Variants in LAMA1 observed in about 807,000 individuals in gnomAD.
LAMA1 encodes the protein laminin subunit alpha-1.
Under a neutral mutation model 348.7 loss-of-function variants are expected in LAMA1, and 219 were observed. That is an observed-to-expected ratio of 0.63 (90% CI 0.56 to 0.70). The LOEUF is 0.70. Ranked by LOEUF, LAMA1 falls within the 30% of genes least tolerant of loss-of-function variation. The pLI, the probability that LAMA1 is intolerant of heterozygous loss-of-function variation, is 0.00. For synonymous variants in LAMA1, 1,487 were observed against 1,491.0 expected (o/e 1.00, Z 0.06); for missense variants, 3,744 against 3,888.0 (o/e 0.96, Z 0.99).
chr18:7,080,625 T>C (rs1046733097), intron 1 of LAMA1, among the ~76,000 whole-genome samples, 168 bp from the exon 2 acceptor site: 10 of 152,208 alleles, frequency 6.6e-5, no homozygotes, highest in Admixed American at 6.5e-4. Flanking sequence ...CTATATGAAA[T>C]TCTGGGAGAA....
In LAMA1 at chr18:7,012,135, T is replaced by A; in HGVS notation, c.3367A>T (p.Asn1123Tyr). 6.2e-7 allele frequency: 1 copy of A among 1,613,840 alleles called. No homozygotes were observed. Among genetic ancestry groups the A allele is most frequent in the South Asian group, 1.1e-5 (1 of 91,008 alleles). Residue 1123 changes from asparagine (N) to tyrosine (Y), a missense_variant, in exon 24 of 63, where the codon AAT (asparagine) becomes TAT (tyrosine). By Grantham distance (143) the Asn-to-Tyr change is moderately radical. This residue lies in a region of LAMA1 where 1,529 missense variants were observed against 1,689.4 expected (regional missense o/e 0.91). Transcript: ENST00000389658. ...EETGACPCKE[N>Y]VFGPQCNECR... ...TCGTTGCACTGAGGACCAAAGACAT[T>A]TTCCTACAGGGGAGCAAATAAAGGA...
intron 1 of LAMA1, among the ~76,000 whole-genome samples, chr18:7,081,124 C>T (rs1202961583): frequency 3.3e-5 from 5 of 151,648 alleles, no homozygotes; most frequent in African/African-American, 9.7e-5. Flanking sequence ...CCACTGCACT[C>T]CAGCCTGGAC....
At chr18:7,055,852 C>T (rs920893774) in intron 3 of LAMA1, among the ~76,000 whole-genome samples, 21 of 152,060 alleles carry the variant, frequency 1.4e-4, no homozygotes, top group African/African-American at 4.6e-4. Context: ...GAGGCCGAGG[C>T]GGGCGGATCA....
At chr18:6,969,336 G>A (rs2057647952) in intron 48 of LAMA1, among the ~76,000 whole-genome samples, 1 of 152,108 alleles carries the variant, frequency 6.6e-6, no homozygotes, top group South Asian at 2.1e-4. Flanking sequence ...TCACCCAGAG[G>A]TACCTTTTCA....
intron 56 of LAMA1, chr18:6,955,709 TC>T (rs1284584272): frequency 3.3e-6 from 2 of 608,902 alleles, no homozygotes; most frequent in African/African-American, 3.6e-5. Flanking sequence ...TCACTGAAAT[TC>T]ATAAGGACAC....
In LAMA1 at chr18:6,999,594, CT is replaced by C; in HGVS notation, c.4513del (p.Ser1505ValfsTer44). ...YYGNPQTPGG[S>X]CQKCDCNPHG... ...CGGGTTGCAGTCACACTTCTGGCAA[CT>C]GCCACCTGGTGTTTGAGGGTTCCCA... On this transcript the variant is annotated frameshift_variant, in exon 32 of 63. Coordinates refer to ENST00000389658, the MANE Select transcript of LAMA1 (RefSeq NM_005559.4). LOFTEE classifies it high-confidence loss of function. The C allele has an allele frequency of 6.2e-7, 1 of 1,613,854 alleles. No homozygotes were observed. The highest frequency in any genetic ancestry group is 1.1e-5 in the South Asian group (1 of 91,008).
chr18:7,008,685 C>T, intron 27 of LAMA1, 77 bp from the exon 28 acceptor site: 1 of 1,529,158 alleles, frequency 6.5e-7, no homozygotes, highest in Admixed American at 1.7e-5. Flanking sequence ...TGACCTAACA[C>T]TTGCATATAT....
intron 57 of LAMA1, 60 bp from the exon 58 acceptor site, chr18:6,951,031 C>A: frequency 6.9e-7 from 1 of 1,458,004 alleles, no homozygotes; most frequent in South Asian, 1.2e-5. Flanking sequence ...TTTTTAAAAC[C>A]TCAAAAGAGG....
chr18:7,018,599 G>C (rs113185705), intron 19 of LAMA1, among the ~76,000 whole-genome samples: 16 of 151,988 alleles, frequency 1.1e-4, no homozygotes, highest in African/African-American at 3.9e-4. Context: ...GTTTCACCGT[G>C]TTAGCCAGGA....
At chr18:7,001,777 A>G (rs1212204036) in intron 30 of LAMA1, among the ~76,000 whole-genome samples, 1 of 152,200 alleles carries the variant, frequency 6.6e-6, no homozygotes, top group Non-Finnish European at 1.5e-5. Context: ...GCATTCAGGT[A>G]ATTCTGTACA....
chr18:7,083,955 T>C (rs2143789218), intron 1 of LAMA1, among the ~76,000 whole-genome samples: 1 of 151,050 alleles, frequency 6.6e-6, no homozygotes, highest in South Asian at 2.1e-4. Context: ...ATGCCTGTAA[T>C]CCAGCTACTC....
chr18:6,964,667 A>G lies in LAMA1; in HGVS notation c.7332T>C (p.Val2444=), dbSNP rs1217619740. 4 of 1,614,030 alleles carry G rather than the reference A, an allele frequency of 2.5e-6. No homozygotes were observed. The African/African-American group carries it at 5.3e-5, about 22-fold the overall frequency. Residue 2444 remains valine (V), a synonymous_variant, in exon 51 of 63, where the codon GTT becomes GTC. Coordinates refer to ENST00000389658, the MANE Select transcript of LAMA1 (RefSeq NM_005559.4). ...AATTCTGCAGTTTAATATACCTTAC[A>G]ACTCTTGACCTTGGTAATCCACCCA... ...IYVGGLPRSR[V]VRRGVTTKSF...
chr18:6,975,153 TA>T, intron 45 of LAMA1, 117 bp from the exon 46 acceptor site: 1 of 1,247,374 alleles, frequency 8.0e-7, no homozygotes, highest in Non-Finnish European at 1.1e-6. Flanking sequence ...AATAAATACA[TA>T]AAAAGCAAAC....
chr18:7,012,349 C>G (rs2057864588), intron 23 of LAMA1, among the ~76,000 whole-genome samples: 1 of 151,934 alleles, frequency 6.6e-6, no homozygotes. Context: ...TTAACAGAAT[C>G]ATCTTGGAAG....
intron 57 of LAMA1, 87 bp from the exon 58 acceptor site, chr18:6,951,058 A>G: frequency 8.2e-7 from 1 of 1,213,112 alleles, no homozygotes; most frequent in East Asian, 2.5e-5. Context: ...CAATTGTTTC[A>G]GCGTTTACAT....
At chr18:7,105,477 T>TAAATAAAC (rs1396854657) in intron 1 of LAMA1, among the ~76,000 whole-genome samples, 5 of 139,940 alleles carry the variant, frequency 3.6e-5, no homozygotes, top group East Asian at 2.0e-4. Flanking sequence ...AATAAATAAA[T>TAAATAAAC]AAACAAACAA....
intron 3 of LAMA1, among the ~76,000 whole-genome samples, chr18:7,078,006 G>A (rs1300916479): frequency 6.9e-6 from 1 of 145,030 alleles, no homozygotes; most frequent in Non-Finnish European, 1.5e-5. Context: ...AGAGGTTGCA[G>A]TGAGCCAAGA....
chr18:7,003,652 C>T (rs2057818793), intron 29 of LAMA1, among the ~76,000 whole-genome samples: 1 of 152,288 alleles, frequency 6.6e-6, no homozygotes, highest in East Asian at 1.9e-4. Context: ...TCTCTATTTA[C>T]TCAGCCACTG....
chr18:6,983,341 T>TAAGGGGAAAGAAGA, intron 39 of LAMA1, 107 bp from the exon 40 acceptor site: 1 of 1,135,082 alleles, frequency 8.8e-7, no homozygotes, highest in Non-Finnish European at 1.3e-6. Flanking sequence ...TCCTATCTTC[T>TAAGGGGAAAGAAGA]TTCCCCTTAG....
Sources: gnomAD v4.1 joint callset for allele counts (sites outside exome capture counted in the v4.1 genomes callset) on GRCh38, gnomAD v4.1.1 for gene constraint, gnomAD v4.1.1 regional missense constraint, MANE v1.5 for transcripts, NCBI Gene and HGNC (gene_info 2026-07-23, HGNC 2026-07-21) for gene names.